Variants in RPS6KA5 observed in about 807,000 individuals in gnomAD.
RPS6KA5 encodes the protein ribosomal protein S6 kinase A5.
In RPS6KA5, 27 loss-of-function variants were observed where a neutral mutation model predicts 85.5. The observed-to-expected ratio is 0.32, with a 90% CI of 0.23 to 0.44. RPS6KA5 has a LOEUF of 0.44. Among genes scored for constraint, RPS6KA5 ranks in the 20% least tolerant of loss-of-function variants. The pLI, the probability that RPS6KA5 is intolerant of heterozygous loss-of-function variation, is 1.00. For synonymous variants in RPS6KA5, 334 were observed against 348.2 expected, an observed-to-expected ratio of 0.96 and a Z score of 0.46; for missense variants, 811 against 980.9, an observed-to-expected ratio of 0.83 and a Z score of 2.31.
intron 1 of RPS6KA5, among the ~76,000 whole-genome samples, chr14:91,003,207 C>T (rs907191026): frequency 6.6e-6 from 1 of 151,806 alleles, no homozygotes; most frequent in African/African-American, 2.4e-5. Context: ...TATGTACAAG[C>T]CCAGCTTTCC....
rs932704211 is a variant in RPS6KA5, at chr14:90,903,077, A to G, written c.958-108T>C. Reference sequence around the variant, plus strand: ...TGACTGGTAGGGAGAGAGGATAAAAATAAGAGAACATATTTCAAATCAATA... The same window carrying G: ...TGACTGGTAGGGAGAGAGGATAAAAGTAAGAGAACATATTTCAAATCAATA... On this transcript the variant is annotated intron_variant, in intron 8 of 16. Coordinates refer to ENST00000614987, the MANE Select transcript of RPS6KA5 (RefSeq NM_004755.4). 3.4e-6 allele frequency: 3 copies of G among 882,664 alleles called. No homozygotes were observed. In the Admixed American group the frequency reaches 7.5e-5, roughly 22 times the overall value. The allele number at this position is 882,664 out of a possible 1,614,324, so 54.7% of individuals were successfully genotyped here.
chr14:90,879,122 T>C (rs1271379562), intron 14 of RPS6KA5, among the ~76,000 whole-genome samples: 1 of 152,174 alleles, frequency 6.6e-6, no homozygotes. Flanking sequence ...AAACATGTGA[T>C]CCCAAGAGCA....
chr14:91,037,036 C>T (rs1321114033), intron 1 of RPS6KA5, among the ~76,000 whole-genome samples: 2 of 152,206 alleles, frequency 1.3e-5, no homozygotes, highest in East Asian at 1.9e-4. Flanking sequence ...TAACAGAATA[C>T]AGCTTGAATC....
At chr14:91,051,195 C>T (rs983306066) in intron 1 of RPS6KA5, among the ~76,000 whole-genome samples, 23 of 151,850 alleles carry the variant, frequency 1.5e-4, no homozygotes, top group African/African-American at 4.6e-4. Context: ...GCTGAGATCA[C>T]GCCATTGCAC....
rs150783317 is a variant in RPS6KA5 at position 90,904,160 on chromosome 14, A to G, written c.958-1191T>C. Among the ~76,000 whole-genome samples, 530 of 152,258 alleles carry G rather than the reference A, an allele frequency of 3.5e-3. 8 individuals are homozygous for G. Among genetic ancestry groups the G allele is most frequent in the African/African-American group, 9.4e-3 (389 of 41,550 alleles). ...GAGACAGGGTTTCACTGTGTTAGCC[A>G]GGATGGTCTCGATCTCCTGACCTAG... On this transcript the variant is annotated intron_variant, in intron 8 of 16. Transcript: ENST00000614987.
chr14:91,046,747 G>GC (rs923056403), intron 1 of RPS6KA5, among the ~76,000 whole-genome samples: 2 of 151,834 alleles, frequency 1.3e-5, no homozygotes, highest in African/African-American at 2.4e-5. Flanking sequence ...TTTTAAGTAT[G>GC]CCCCCATTTT....
chr14:91,053,507 T>A (rs544471574), intron 1 of RPS6KA5, among the ~76,000 whole-genome samples: 1 of 152,206 alleles, frequency 6.6e-6, no homozygotes, highest in African/African-American at 2.4e-5. Flanking sequence ...TCACCAAGGT[T>A]GCAGGACACA....
intron 9 of RPS6KA5, among the ~76,000 whole-genome samples, chr14:90,900,963 A>G (rs937171953): frequency 1.3e-5 from 2 of 152,196 alleles, no homozygotes; most frequent in Non-Finnish European, 2.9e-5. Context: ...AAACCAATTC[A>G]AAAATAAAGG....
At chr14:90,912,904 CT>C (rs57029403) in intron 7 of RPS6KA5, among the ~76,000 whole-genome samples, 1,729 of 53,228 alleles carry the variant, frequency 0.032, 10 homozygotes, top group African/African-American at 0.13. Context: ...CATAAAGCAT[CT>C]TTTTTTTTTT....
intron 1 of RPS6KA5, among the ~76,000 whole-genome samples, chr14:91,056,904 G>C (rs924250333): frequency 3.3e-5 from 4 of 121,312 alleles, no homozygotes; most frequent in African/African-American, 1.3e-4. Flanking sequence ...TTTGGAGATG[G>C]GAGTCTTGCT....
intron 1 of RPS6KA5, among the ~76,000 whole-genome samples, chr14:91,025,484 T>C (rs1404104431): frequency 1.3e-5 from 2 of 152,226 alleles, no homozygotes; most frequent in East Asian, 3.8e-4. Flanking sequence ...TCATACTCCC[T>C]ATCTCTGAGC....
At position 91,060,640 on chromosome 14, in the gene RPS6KA5, G is replaced by A. The variant is rs2043637553; in HGVS notation, c.-206C>T. 1.6e-6 allele frequency: 1 copy of A among 619,934 alleles called. No homozygotes were observed. Among genetic ancestry groups the A allele is most frequent in the Non-Finnish European group, 2.3e-6 (1 of 431,620 alleles). The allele number at this position is 619,934 out of a possible 1,614,324, so 38.4% of individuals were successfully genotyped here. ...CCCTTCGGCGGGCACCGCTAGTACC[G>A]CGCAACCAAACCGCCCCCTGCTCCA... On this transcript the variant is annotated 5_prime_UTR_variant, in exon 1 of 17. Coordinates refer to ENST00000614987, the MANE Select transcript of RPS6KA5 (RefSeq NM_004755.4).
At chr14:90,910,831 G>A (rs910112788) in intron 7 of RPS6KA5, among the ~76,000 whole-genome samples, 13 of 151,848 alleles carry the variant, frequency 8.6e-5, no homozygotes, top group South Asian at 2.1e-4. Flanking sequence ...GACTACAGGC[G>A]CCCTCCACCA....
chr14:90,896,486 AGG>A (rs2140214289), intron 12 of RPS6KA5, among the ~76,000 whole-genome samples: 2 of 152,278 alleles, frequency 1.3e-5, no homozygotes, highest in African/African-American at 4.8e-5. Context: ...GGATGGCAAA[AGG>A]GCCTTTTGAG....
At chr14:91,036,553 C>T (rs1015662791) in intron 1 of RPS6KA5, among the ~76,000 whole-genome samples, 2 of 152,052 alleles carry the variant, frequency 1.3e-5, no homozygotes, top group Admixed American at 6.6e-5. Context: ...CAAAGCAGCA[C>T]ATCAGAAAAG....
intron 5 of RPS6KA5, among the ~76,000 whole-genome samples, chr14:90,925,099 C>A (rs1230520754): frequency 6.6e-6 from 1 of 152,054 alleles, no homozygotes. Context: ...AGACCGGGCT[C>A]ACAAGAAAGA....
chr14:90,964,084 A>G (rs756383236), intron 3 of RPS6KA5, among the ~76,000 whole-genome samples: 16 of 152,350 alleles, frequency 1.1e-4, no homozygotes, highest in Middle Eastern at 6.8e-3. Context: ...TATTAATGTA[A>G]AAAACGGACT....
intron 14 of RPS6KA5, among the ~76,000 whole-genome samples, chr14:90,883,366 T>G (rs183755491): frequency 8.5e-5 from 13 of 152,302 alleles, no homozygotes; most frequent in African/African-American, 2.9e-4. Flanking sequence ...TTAATTGTCC[T>G]AACTTCAATT....
chr14:90,945,466 C>A (rs1413102821), intron 4 of RPS6KA5, among the ~76,000 whole-genome samples: 5 of 152,220 alleles, frequency 3.3e-5, no homozygotes, highest in African/African-American at 1.2e-4. Context: ...ATCTGCGTCA[C>A]CTCATCACTT....
Sources: allele counts gnomAD v4.1 joint callset (sites outside exome capture counted in the v4.1 genomes callset), GRCh38; gene constraint gnomAD v4.1.1; transcripts MANE v1.5; gene names NCBI Gene and HGNC (gene_info 2026-07-23, HGNC 2026-07-21).